Variants in ADAMTSL1 observed in about 807,000 individuals in gnomAD.
ADAMTSL1 encodes the protein ADAMTS-like protein 1.
A neutral mutation model predicts 201.8 loss-of-function variants in ADAMTSL1; 126 were observed. That is an observed-to-expected ratio of 0.62 (90% confidence interval 0.54 to 0.72). The LOEUF is 0.72. ADAMTSL1 is among the 30% of genes least tolerant of loss of function. ADAMTSL1 has a pLI of 0.00. For synonymous variants in ADAMTSL1, 1,121 were observed against 903.4 expected, an observed-to-expected ratio of 1.24 and a Z score of -4.32; for missense variants, 2,679 against 2,277.8, an observed-to-expected ratio of 1.18 and a Z score of -3.59.
chr9:18,655,526 T>C (rs867889697), intron 7 of ADAMTSL1, among the ~76,000 whole-genome samples: 10 of 152,272 alleles, frequency 6.6e-5, no homozygotes, highest in African/African-American at 2.4e-4. Flanking sequence ...CCAAGTATTA[T>C]GATGTTATAT....
chr9:18,572,125 G>A (rs1466020993), intron 3 of ADAMTSL1, among the ~76,000 whole-genome samples: 1 of 151,744 alleles, frequency 6.6e-6, no homozygotes, highest in African/African-American at 2.4e-5. Flanking sequence ...AACCCAGGAG[G>A]CGGAGGTTGC....
At chr9:18,639,858 G>A (rs907682524) in intron 7 of ADAMTSL1, among the ~76,000 whole-genome samples, 25 of 152,242 alleles carry the variant, frequency 1.6e-4, no homozygotes, top group African/African-American at 5.5e-4. Context: ...AAACTAAGTT[G>A]TTTCCTTCTA....
chr9:18,528,006 T>G (rs1217020652), intron 2 of ADAMTSL1, among the ~76,000 whole-genome samples: 2 of 152,020 alleles, frequency 1.3e-5, no homozygotes, highest in African/African-American at 4.8e-5. Flanking sequence ...GCCTCCTGAG[T>G]AGCTGGGATT....
chr9:18,781,916 G>GA (rs1292719494), intron 19 of ADAMTSL1, among the ~76,000 whole-genome samples: 3 of 152,180 alleles, frequency 2.0e-5, no homozygotes, highest in African/African-American at 4.8e-5. Context: ...TTTTAGAAAA[G>GA]AATCACTAAT....
chr9:18,905,755 G>A (rs72692492), intron 26 of ADAMTSL1, 27 bp from the exon 27 acceptor site: 210 of 1,586,068 alleles, frequency 1.3e-4, no homozygotes, highest in Non-Finnish European at 1.6e-4. Context: ...GCTAATGTGC[G>A]GTATGTTACC....
chr9:18,821,506 C>G (rs1303312797), intron 21 of ADAMTSL1, among the ~76,000 whole-genome samples: 5 of 152,216 alleles, frequency 3.3e-5, no homozygotes, highest in African/African-American at 9.7e-5. Flanking sequence ...CCTTTAGTCA[C>G]ATGGCCACGC....
chr9:18,491,899 A>T (rs1035242923), intron 1 of ADAMTSL1, among the ~76,000 whole-genome samples: 1 of 152,316 alleles, frequency 6.6e-6, no homozygotes, highest in East Asian at 1.9e-4. Context: ...TCTTTTAGAC[A>T]GTTATTTTAA....
chr9:18,540,808 C>T (rs1392669668), intron 3 of ADAMTSL1, among the ~76,000 whole-genome samples: 1 of 152,108 alleles, frequency 6.6e-6, no homozygotes, highest in East Asian at 1.9e-4. Flanking sequence ...GGTAGGAAGA[C>T]TCTTAAGTGA....
At chr9:18,280,594 T>C (rs887090490) in intron 2 of ADAMTSL1, among the ~76,000 whole-genome samples, 2 of 152,122 alleles carry the variant, frequency 1.3e-5, no homozygotes, top group African/African-American at 4.8e-5. Context: ...TGAGAAATGA[T>C]TTTTTTGCAG....
intron 24 of ADAMTSL1, among the ~76,000 whole-genome samples, chr9:18,888,559 T>G (rs1829047973): frequency 6.6e-6 from 1 of 152,200 alleles, no homozygotes; most frequent in Non-Finnish European, 1.5e-5. Context: ...ACATGGCTCA[T>G]GCATTAACCT....
intron 1 of ADAMTSL1, among the ~76,000 whole-genome samples, chr9:17,919,256 C>T (rs550189000): frequency 1.3e-5 from 2 of 151,136 alleles, no homozygotes; most frequent in East Asian, 3.9e-4. Context: ...AGTACACTTC[C>T]TTTTTGTAAA....
chr9:18,716,438 C>G (rs10811021), intron 14 of ADAMTSL1, among the ~76,000 whole-genome samples: 123,855 of 151,960 alleles, frequency 0.82, 51,258 homozygotes, highest in Admixed American at 0.88. Context: ...GACATGAACA[C>G]AGACTTCTCA....
chr9:18,759,730 G>A (rs1044267930), intron 16 of ADAMTSL1, among the ~76,000 whole-genome samples: 1 of 152,086 alleles, frequency 6.6e-6, no homozygotes, highest in Non-Finnish European at 1.5e-5. Flanking sequence ...TGATTTTGAT[G>A]GATGTGCAGC....
chr9:18,810,465 T>C (rs1823431643), intron 20 of ADAMTSL1, among the ~76,000 whole-genome samples: 1 of 152,084 alleles, frequency 6.6e-6, no homozygotes, highest in South Asian at 2.1e-4. Flanking sequence ...AAACAAAAAA[T>C]ATAAAAAGCA....
chr9:18,174,768 T>C (rs1435771381), intron 2 of ADAMTSL1, among the ~76,000 whole-genome samples: 1 of 152,172 alleles, frequency 6.6e-6, no homozygotes, highest in Non-Finnish European at 1.5e-5. Flanking sequence ...TAAATGTTCA[T>C]TTTAAAATTT....
intron 23 of ADAMTSL1, among the ~76,000 whole-genome samples, chr9:18,866,004 G>A (rs1827511460): frequency 6.6e-6 from 1 of 151,392 alleles, no homozygotes; most frequent in South Asian, 2.1e-4. Flanking sequence ...GGAAAGGGAG[G>A]GTTGGGAATG....
chr9:18,393,006 C>T (rs1838114788), intron 2 of ADAMTSL1, among the ~76,000 whole-genome samples: 1 of 152,064 alleles, frequency 6.6e-6, no homozygotes, highest in African/African-American at 2.4e-5. Flanking sequence ...TGTCATATTC[C>T]AGGAATAATG....
In ADAMTSL1 at chr9:18,254,636, T is replaced by C. The variant is rs371226657; in HGVS notation, c.207+90655T>C. Among the ~76,000 whole-genome samples the C allele has an allele frequency of 1.5e-3, 224 of 151,712 alleles. 6 individuals are homozygous for C. In the East Asian group the frequency reaches 0.037, roughly 25 times the overall value. On this transcript the variant is annotated intron_variant, in intron 2 of 29. Transcript: ENST00000680146. ...CCTCGGCCTCCCAAAGTGCTGGGAT[T>C]ACAGGCGTGAGCCACCGCGCCTGCC...
intron 1 of ADAMTSL1, among the ~76,000 whole-genome samples, chr9:18,497,627 T>C (rs1387742639): frequency 1.3e-5 from 2 of 152,342 alleles, no homozygotes; most frequent in African/African-American, 2.4e-5. Flanking sequence ...TTTAAAGTAA[T>C]AGAAACTGAG....
Sources: allele counts gnomAD v4.1 joint callset (sites outside exome capture counted in the v4.1 genomes callset), GRCh38; gene constraint gnomAD v4.1.1; transcripts MANE v1.5; gene names NCBI Gene and HGNC (gene_info 2026-07-23, HGNC 2026-07-21).